The following RHBDD1 variants were observed in gnomAD, a reference collection of about 807,000 sequenced individuals.
The protein encoded by RHBDD1 is rhomboid-related protein 4.
In RHBDD1, 38 loss-of-function variants were observed where a neutral mutation model predicts 36.3. That is an observed-to-expected ratio of 1.05 (90% CI 0.81 to 1.37). RHBDD1 has a LOEUF of 1.37. Ranked by LOEUF, RHBDD1 falls within the 40% of genes most tolerant of loss-of-function variation. The pLI, the probability that RHBDD1 is intolerant of heterozygous loss-of-function variation, is 0.00. For missense variants in RHBDD1, 393 were observed against 377.6 expected (o/e 1.04, Z -0.34); for synonymous variants, 151 against 136.5 (o/e 1.11, Z -0.74).
intron 8 of RHBDD1, among the ~76,000 whole-genome samples, chr2:226,971,222 C>A (rs746253530): frequency 6.6e-6 from 1 of 152,208 alleles, no homozygotes; most frequent in African/African-American, 2.4e-5. Flanking sequence ...TCCCTCCTCA[C>A]ACCTGTGGCA....
intron 3 of RHBDD1, among the ~76,000 whole-genome samples, chr2:226,859,616 A>T (rs1251496050): frequency 6.6e-6 from 1 of 152,172 alleles, no homozygotes; most frequent in African/African-American, 2.4e-5. Context: ...GGTGATCAAA[A>T]CGGAGAAGGT....
intron 5 of RHBDD1, among the ~76,000 whole-genome samples, chr2:226,903,562 G>A (rs1321813284): frequency 1.3e-5 from 2 of 152,152 alleles, no homozygotes; most frequent in African/African-American, 4.8e-5. Flanking sequence ...TGGCTGGGGA[G>A]CTAAAAGCAT....
chr2:226,900,788 T>C (rs2125587139), intron 5 of RHBDD1, among the ~76,000 whole-genome samples: 1 of 152,330 alleles, frequency 6.6e-6, no homozygotes, highest in Non-Finnish European at 1.5e-5. Context: ...TGTGATCTTT[T>C]GTTGTACATA....
chr2:226,911,150 C>T (rs1030298622), intron 7 of RHBDD1, among the ~76,000 whole-genome samples: 2 of 152,086 alleles, frequency 1.3e-5, no homozygotes, highest in Non-Finnish European at 2.9e-5. Flanking sequence ...AATTAAAACT[C>T]TAGGTAGATA....
intron 3 of RHBDD1, among the ~76,000 whole-genome samples, chr2:226,849,645 A>G (rs1468596635): frequency 6.6e-6 from 1 of 152,272 alleles, no homozygotes; most frequent in Non-Finnish European, 1.5e-5. Flanking sequence ...ATGACAACAC[A>G]GCAACGACAG....
chr2:226,888,493 G>T (rs1946415764), intron 5 of RHBDD1, among the ~76,000 whole-genome samples: 1 of 151,602 alleles, frequency 6.6e-6, no homozygotes, highest in African/African-American at 2.4e-5. Flanking sequence ...CTGTAAAAAA[G>T]GTCTAGAGTG....
chr2:226,837,976 C>T (rs1014341265), intron 1 of RHBDD1, 97 bp from the exon 2 acceptor site: 4 of 152,226 alleles, frequency 2.6e-5, no homozygotes, highest in African/African-American at 7.2e-5. Context: ...CTCATGTCTA[C>T]TCTAGATACC....
chr2:226,973,124 G>A (rs1028155662), intron 8 of RHBDD1, among the ~76,000 whole-genome samples: 14 of 152,136 alleles, frequency 9.2e-5, no homozygotes, highest in African/African-American at 2.7e-4. Flanking sequence ...CGGGGTTCTT[G>A]TTCACTTTCA....
At chr2:226,900,487 AAG>A (rs1947496189) in intron 5 of RHBDD1, among the ~76,000 whole-genome samples, 1 of 152,154 alleles carries the variant, frequency 6.6e-6, no homozygotes, top group Non-Finnish European at 1.5e-5. Context: ...GATTTTTCTA[AAG>A]AGAGTCACTA....
At chr2:226,827,133 T>C in the RHBDD1 span, among the ~76,000 whole-genome samples, 1 of 152,126 alleles carries the variant, frequency 6.6e-6, no homozygotes, top group East Asian at 1.9e-4. Context: ...ACTTTTTGTA[T>C]ATATATATTT....
At chr2:226,948,202 T>C (rs2149200932) in intron 8 of RHBDD1, among the ~76,000 whole-genome samples, 1 of 146,280 alleles carries the variant, frequency 6.8e-6, no homozygotes, top group East Asian at 2.0e-4. Context: ...ATTAAGAAAA[T>C]GTGGCACATA....
intron 5 of RHBDD1, among the ~76,000 whole-genome samples, chr2:226,872,198 AG>A (rs1451594912): frequency 2.0e-5 from 3 of 152,316 alleles, no homozygotes; most frequent in Admixed American, 6.5e-5. Context: ...GGTTCTCCTT[AG>A]GAAAAAAGTA....
intron 5 of RHBDD1, among the ~76,000 whole-genome samples, chr2:226,903,491 G>C (rs1947768567): frequency 6.6e-6 from 1 of 152,142 alleles, no homozygotes; most frequent in East Asian, 1.9e-4. Context: ...ACTATCTGTG[G>C]TTTCAGCCAT....
intron 5 of RHBDD1, among the ~76,000 whole-genome samples, chr2:226,868,489 C>CCTTAAT (rs1489322410): frequency 6.6e-6 from 1 of 152,214 alleles, no homozygotes; most frequent in Non-Finnish European, 1.5e-5. Context: ...GCTTCACTTT[C>CCTTAAT]CTTAATCTGT....
intron 8 of RHBDD1, among the ~76,000 whole-genome samples, chr2:226,977,514 A>G (rs1033532565): frequency 1.6e-4 from 25 of 152,234 alleles, no homozygotes; most frequent in African/African-American, 6.0e-4. Context: ...CAGCAATTAC[A>G]ATGCAGTGCA....
Position 226,997,770 on chromosome 2 carries a change from G to C in RHBDD1, c.*2248G>C, listed in dbSNP as rs1303577386. 6.6e-6 allele frequency: 1 copy of C among 152,240 alleles called. No individual in the cohort carries two copies. Among genetic ancestry groups the C allele is most frequent in the African/African-American group, 2.4e-5 (1 of 41,474 alleles). 9.4% of individuals were successfully genotyped at this position (152,240 alleles called of 1,614,324 possible). ...TGATGGAGTGGAACATCTTAGTGAT[G>C]TGAGAAAGGTCATTTTAGTTATAAA... On this transcript the variant is annotated 3_prime_UTR_variant, in exon 9 of 9. Coordinates refer to ENST00000392062, the MANE Select transcript of RHBDD1 (RefSeq NM_001167608.3).
At chr2:226,840,219 T>C (rs1053414903) in intron 3 of RHBDD1, among the ~76,000 whole-genome samples, 1 of 152,190 alleles carries the variant, frequency 6.6e-6, no homozygotes, top group Non-Finnish European at 1.5e-5. Flanking sequence ...TGGTGATATT[T>C]CAAAGCCCAT....
chr2:226,852,417 T>G (rs1230670523), intron 3 of RHBDD1, among the ~76,000 whole-genome samples: 1 of 152,182 alleles, frequency 6.6e-6, no homozygotes, highest in Non-Finnish European at 1.5e-5. Context: ...ATGGCACCTT[T>G]GGCAGGTTAT....
intron 3 of RHBDD1, among the ~76,000 whole-genome samples, chr2:226,853,400 G>C (rs1943023418): frequency 6.6e-6 from 1 of 152,220 alleles, no homozygotes; most frequent in Admixed American, 6.5e-5. Context: ...GGTACATGCT[G>C]TGGAAGTGCA....
Sources: gnomAD v4.1 joint callset for allele counts (sites outside exome capture counted in the v4.1 genomes callset) on GRCh38, gnomAD v4.1.1 for gene constraint, MANE v1.5 for transcripts, NCBI Gene and HGNC (gene_info 2026-07-23, HGNC 2026-07-21) for gene names.